PARL: variants seen among roughly 807,000 people sequenced by gnomAD.
The protein encoded by PARL is presenilin associated rhomboid like.
In PARL, 44 loss-of-function variants were observed where a neutral mutation model predicts 51.6. That is an observed-to-expected ratio of 0.85 (90% CI 0.67 to 1.10). PARL has a LOEUF of 1.10. Ranked by LOEUF, PARL falls within the 50% of genes least tolerant of loss-of-function variation. PARL has a pLI of 0.00. For missense variants in PARL, 441 were observed against 469.5 expected (o/e 0.94, Z 0.56); for synonymous variants, 172 against 164.0 (o/e 1.05, Z -0.37).
chr3:183,877,823 C>A (rs960533295), intron 1 of PARL, among the ~76,000 whole-genome samples: 1 of 148,704 alleles, frequency 6.7e-6, no homozygotes, highest in Non-Finnish European at 1.5e-5. Flanking sequence ...TTTTTTGAGA[C>A]AGTGTCACCC....
intron 7 of PARL, 72 bp downstream of exon 7, chr3:183,840,497 CT>C: frequency 1.3e-6 from 1 of 741,036 alleles, no homozygotes; most frequent in South Asian, 1.8e-5. Flanking sequence ...TTACAACATT[CT>C]TCTAAGTCTA....
intron 1 of PARL, 36 bp downstream of exon 1, chr3:183,884,686 C>A: frequency 6.4e-7 from 1 of 1,574,760 alleles, no homozygotes; most frequent in Non-Finnish European, 8.6e-7. Context: ...GCTCAGGGAC[C>A]AAGAGGCGAG....
Position 183,867,936 on chromosome 3 carries a change from C to A in PARL, c.250G>T (p.Glu84Ter). Residue 84 changes from glutamate (E) to a stop codon, truncating the protein, a stop_gained, in exon 2 of 10, where the codon GAA (glutamate) becomes TAA (stop). Coordinates refer to ENST00000317096, the MANE Select transcript of PARL (RefSeq NM_018622.7). LOFTEE classifies it high-confidence loss of function. The part of the protein sequence containing the change: ...YKRSALIPPV[E>*]ETVFYPSPYP... ...GGAGAAGGATAAAAGACTGTTTCTT[C>A]CACAGGAGGAATCAAAGCACTTCTC... is the stretch of plus-strand genomic sequence containing the variant. 1.9e-6 allele frequency: 3 copies of A among 1,613,900 alleles called. No individual in the cohort carries two copies. The African/African-American group carries it at 4.0e-5, about 22-fold the overall frequency.
chr3:183,849,320 T>C (rs868447946), intron 4 of PARL, among the ~76,000 whole-genome samples: 7 of 152,096 alleles, frequency 4.6e-5, no homozygotes, highest in African/African-American at 1.7e-4. Flanking sequence ...AACACTAAAA[T>C]TATACAAACT....
intron 1 of PARL, among the ~76,000 whole-genome samples, chr3:183,880,399 G>GTT (rs563095175): frequency 2.7e-5 from 4 of 147,258 alleles, no homozygotes; most frequent in African/African-American, 9.9e-5. Context: ...TTATAGTTCA[G>GTT]TTTTTTTTTT....
chr3:183,854,479 A>G (rs543067230), intron 4 of PARL, among the ~76,000 whole-genome samples: 1 of 152,308 alleles, frequency 6.6e-6, no homozygotes, highest in East Asian at 1.9e-4. Context: ...GAAATAAGCC[A>G]GTCCAAAACA....
chr3:183,880,263 C>T (rs1427289947), intron 1 of PARL, among the ~76,000 whole-genome samples: 1 of 152,062 alleles, frequency 6.6e-6, no homozygotes. Flanking sequence ...TGACAACTCA[C>T]GACAGCAGGC....
intron 1 of PARL, among the ~76,000 whole-genome samples, chr3:183,882,222 A>AAAAAATAT (rs1401913573): frequency 2.2e-5 from 1 of 46,112 alleles, no homozygotes; most frequent in Non-Finnish European, 4.0e-5. Flanking sequence ...AAAAAAAAAA[A>AAAAAATAT]ATATATATAT....
At chr3:183,840,835 A>G (rs924975538) in intron 6 of PARL, among the ~76,000 whole-genome samples, 195 bp from the exon 7 acceptor site, 2 of 151,870 alleles carry the variant, frequency 1.3e-5, no homozygotes, top group East Asian at 3.9e-4. Flanking sequence ...CAGCCTCCTG[A>G]GTAGCTGGGA....
At chr3:183,846,269 G>A (rs933948455) in intron 4 of PARL, among the ~76,000 whole-genome samples, 5 of 152,114 alleles carry the variant, frequency 3.3e-5, no homozygotes, top group Non-Finnish European at 5.9e-5. Flanking sequence ...TGAGGCGGAC[G>A]GATCACCTGA....
intron 3 of PARL, among the ~76,000 whole-genome samples, chr3:183,866,152 G>A (rs530803963): frequency 3.3e-5 from 5 of 152,096 alleles, no homozygotes; most frequent in Non-Finnish European, 5.9e-5. Flanking sequence ...GACTTGAGCC[G>A]CTGTGCCCGG....
At chr3:183,828,913 C>G (rs531077022), downstream of PARL, among the ~76,000 whole-genome samples, 3 of 152,152 alleles carry the variant, frequency 2.0e-5, no homozygotes, top group African/African-American at 7.2e-5. Flanking sequence ...GCTGTGACGA[C>G]GACAGCCACT....
At chr3:183,865,198 C>T (rs1224562526) in intron 3 of PARL, among the ~76,000 whole-genome samples, 1 of 152,100 alleles carries the variant, frequency 6.6e-6, no homozygotes, top group Admixed American at 6.6e-5. Context: ...GTCCCAGCTA[C>T]TCAGGAGACT....
chr3:183,842,191 G>C (rs117918122), intron 6 of PARL, 107 bp downstream of exon 6: 2 of 1,087,840 alleles, frequency 1.8e-6, no homozygotes. Flanking sequence ...AATATGTTCT[G>C]AGCACTCACT....
chr3:183,881,121 ATTTTT>A (rs10589229), intron 1 of PARL, among the ~76,000 whole-genome samples: 1 of 139,624 alleles, frequency 7.2e-6, no homozygotes, highest in Non-Finnish European at 1.5e-5. Context: ...GCCTTTGTGC[ATTTTT>A]TTTTTTTTTT....
At chr3:183,862,575 A>T (rs1731961013) in intron 4 of PARL, 178 bp downstream of exon 4, 2 of 600,772 alleles carry the variant, frequency 3.3e-6, no homozygotes, top group South Asian at 4.0e-5. Flanking sequence ...GACCCAGAGC[A>T]TCATGTAAAC....
chr3:183,869,023 G>GT (rs1732864218), intron 1 of PARL, among the ~76,000 whole-genome samples: 1 of 152,094 alleles, frequency 6.6e-6, no homozygotes, highest in Non-Finnish European at 1.5e-5. Context: ...CCTAGCTTCT[G>GT]TAACAGCACT....
chr3:183,845,873 T>C (rs370091577), intron 4 of PARL, among the ~76,000 whole-genome samples: 4 of 152,332 alleles, frequency 2.6e-5, no homozygotes, highest in East Asian at 1.9e-4. Context: ...GTGATTGATA[T>C]CTTAGGGTAA....
rs575964883 is a variant in PARL at position 183,865,844 on chromosome 3, C to T, written c.462+781G>A. ...TTTAGTAGAGCTGAGACATCCTCCA[C>T]GCAGAAACATTAACAACTATTAACA... On this transcript the variant is annotated intron_variant, in intron 3 of 9. Coordinates refer to ENST00000317096, the MANE Select transcript of PARL (RefSeq NM_018622.7). 3.7e-4 allele frequency among the ~76,000 whole-genome samples: 56 copies of T among 151,956 alleles called. 2 individuals are homozygous for T. The South Asian group carries it at 7.7e-3, about 21-fold the overall frequency.
Sources: gnomAD v4.1 joint callset for allele counts (sites outside exome capture counted in the v4.1 genomes callset) on GRCh38, gnomAD v4.1.1 for gene constraint, MANE v1.5 for transcripts, NCBI Gene and HGNC (gene_info 2026-07-23, HGNC 2026-07-21) for gene names.